Variants in FMN1 observed in about 807,000 individuals in gnomAD.
FMN1 encodes formin-1.
FMN1 carries 110 observed loss-of-function variants against 132.4 expected under a neutral mutation model. That is an observed-to-expected ratio of 0.83 (90% confidence interval 0.71 to 0.97). The LOEUF is 0.97. Ranked by LOEUF, FMN1 falls within the 50% of genes least tolerant of loss-of-function variation. FMN1 has a pLI of 0.00. For synonymous variants in FMN1, 722 were observed against 651.7 expected (o/e 1.11, Z -1.64); for missense variants, 1,792 against 1,705.3 (o/e 1.05, Z -0.90).
chr15:33,093,508 G>C (rs1411171072), intron 4 of FMN1, among the ~76,000 whole-genome samples: 2 of 152,210 alleles, frequency 1.3e-5, no homozygotes, highest in East Asian at 3.8e-4. Flanking sequence ...CAAAAGTATA[G>C]TCTCATGGCT....
intron 7 of FMN1, among the ~76,000 whole-genome samples, chr15:32,982,418 T>A (rs890919958): frequency 6.6e-6 from 1 of 152,204 alleles, no homozygotes; most frequent in African/African-American, 2.4e-5. Flanking sequence ...TCCTACACAT[T>A]TGCCCAAGTG....
At chr15:32,847,909 C>T (rs1011193746) in intron 17 of FMN1, among the ~76,000 whole-genome samples, 5 of 152,070 alleles carry the variant, frequency 3.3e-5, no homozygotes, top group South Asian at 2.1e-4. Flanking sequence ...CAAATACCCA[C>T]GGAAGAGGTC....
chr15:33,022,641 T>C (rs1038262150), intron 6 of FMN1, among the ~76,000 whole-genome samples: 6 of 151,960 alleles, frequency 3.9e-5, no homozygotes, highest in Non-Finnish European at 8.8e-5. Context: ...ATTTCAGAAA[T>C]AGAAATGGGA....
At chr15:33,104,359 G>A (rs1300604558) in intron 4 of FMN1, among the ~76,000 whole-genome samples, 1 of 152,056 alleles carries the variant, frequency 6.6e-6, no homozygotes, top group Non-Finnish European at 1.5e-5. Context: ...AAATTTTCAC[G>A]ATTTACAATT....
chr15:32,854,988 T>G (rs1044687139), intron 17 of FMN1, among the ~76,000 whole-genome samples: 3 of 151,300 alleles, frequency 2.0e-5, no homozygotes, highest in Non-Finnish European at 1.5e-5. Context: ...CATTAAGATA[T>G]TCCTTGGGAC....
At chr15:32,878,071 A>T (rs1333817156) in intron 16 of FMN1, among the ~76,000 whole-genome samples, 3 of 152,234 alleles carry the variant, frequency 2.0e-5, no homozygotes, top group Non-Finnish European at 4.4e-5. Context: ...GCTGTAATAG[A>T]CAGTGCCTAT....
chr15:33,164,054 G>A (rs963082304), intron 3 of FMN1, among the ~76,000 whole-genome samples: 3 of 152,150 alleles, frequency 2.0e-5, no homozygotes, highest in Admixed American at 1.3e-4. Context: ...AGAGGAAGAA[G>A]ACATGGGCTC....
At chr15:32,906,221 G>C (rs1480174610) in intron 12 of FMN1, among the ~76,000 whole-genome samples, 3 of 152,112 alleles carry the variant, frequency 2.0e-5, no homozygotes, top group Admixed American at 2.0e-4. Flanking sequence ...GGTGGTTAAG[G>C]GGTTGGCAAA....
chr15:33,110,036 G>A (rs2039639000), intron 4 of FMN1, among the ~76,000 whole-genome samples: 1 of 151,860 alleles, frequency 6.6e-6, no homozygotes, highest in East Asian at 1.9e-4. Flanking sequence ...ATACTCTTCA[G>A]GCAAAAAGTA....
At chr15:33,137,054 C>T (rs2468743) in intron 4 of FMN1, among the ~76,000 whole-genome samples, 74,849 of 139,386 alleles carry the variant, frequency 0.54, 20,172 homozygotes, top group East Asian at 0.77. Context: ...CAACACTGCA[C>T]TCCAGCCTGG....
chr15:32,974,690 G>A (rs1331622588), intron 7 of FMN1, among the ~76,000 whole-genome samples: 1 of 152,194 alleles, frequency 6.6e-6, no homozygotes, highest in South Asian at 2.1e-4. Flanking sequence ...TCCAATGGGA[G>A]CCAGAGGTGA....
chr15:33,127,364 T>C (rs1204594186), intron 4 of FMN1, among the ~76,000 whole-genome samples: 1 of 151,432 alleles, frequency 6.6e-6, no homozygotes, highest in African/African-American at 2.4e-5. Flanking sequence ...AACTTGACTC[T>C]GTTCATACAC....
intron 4 of FMN1, among the ~76,000 whole-genome samples, chr15:33,143,226 TA>T (rs1442315948): frequency 6.6e-6 from 1 of 152,102 alleles, no homozygotes; most frequent in East Asian, 1.9e-4. Flanking sequence ...CAAGGTTAGT[TA>T]AAAATAAAAA....
At chr15:32,985,567 T>C (rs1195834172) in intron 7 of FMN1, among the ~76,000 whole-genome samples, 1 of 152,130 alleles carries the variant, frequency 6.6e-6, no homozygotes, top group Non-Finnish European at 1.5e-5. Context: ...TAATATTAAG[T>C]AGTGCCCATG....
chr15:33,076,902 G>C (rs1440876878), intron 5 of FMN1, among the ~76,000 whole-genome samples: 1 of 152,186 alleles, frequency 6.6e-6, no homozygotes, highest in East Asian at 1.9e-4. Context: ...AATGAATCCT[G>C]AATCAGCAAT....
At position 32,949,952 on chromosome 15, in the gene FMN1, T is replaced by TATATATATATACATACAC. The variant is rs2061591964; in HGVS notation, c.3138+14154_3138+14155insGTGTATGTATATATATAT. ...TGAGGCCAAAAAGCATATATATATA[T>TATATATATATACATACAC]ATATATATATATACACACATATATA... On this transcript the variant is annotated intron_variant, in intron 9 of 20. Coordinates refer to ENST00000616417, the MANE Select transcript of FMN1 (RefSeq NM_001277313.2). Among the ~76,000 whole-genome samples the TATATATATATACATACAC allele has an allele frequency of 5.9e-5, 3 of 50,510 alleles. 1 individual carries two copies. The highest frequency in any genetic ancestry group is 1.1e-4 in the Non-Finnish European group (3 of 28,550). 33.1% of individuals were successfully genotyped at this position (50,510 alleles called of 152,430 possible). A position where few individuals can be genotyped will look rare whatever the true frequency, so the allele number is the denominator to read the frequency against.
chr15:32,898,434 T>G (rs1055590165), intron 15 of FMN1, among the ~76,000 whole-genome samples: 7 of 152,238 alleles, frequency 4.6e-5, no homozygotes, highest in African/African-American at 1.7e-4. Context: ...TGTTCATAGA[T>G]TCATTACTGA....
chr15:32,932,392 CAATTAAGTTTACTAG>C (rs369593112), intron 9 of FMN1, among the ~76,000 whole-genome samples: 63 of 152,286 alleles, frequency 4.1e-4, no homozygotes, highest in African/African-American at 1.4e-3. Context: ...CAGAGTGAGA[CAATTAAGTTTACTAG>C]TACTTTGTTG....
rs747872834 is a variant in FMN1, at chr15:32,968,834, G to C, written c.2867C>G (p.Pro956Arg). The change falls in exon 8 of 21, where the codon CCC (proline) becomes CGC (arginine). Residue 956 changes from proline to arginine, a missense_variant. Physicochemically the swap from Pro to Arg is moderately radical, Grantham distance 103 (BLOSUM62 -2). This residue lies in a region of FMN1 where 1,150 missense variants were observed against 1,043.1 expected (regional missense o/e 1.10). Transcript: ENST00000616417. ...GCCAAGTCCAAAGAAGAGTCCAGGG[G>C]GAGGTGGGGGTGCAAGTCCTGGGGG... ...PPPPGLAPPP[P>R]PGLFFGLGSS... The C allele has an allele frequency of 6.2e-7, 1 of 1,610,536 alleles. No homozygotes were observed. Among genetic ancestry groups the C allele is most frequent in the South Asian group, 1.1e-5 (1 of 90,692 alleles).
Sources: gnomAD v4.1 joint callset for allele counts (sites outside exome capture counted in the v4.1 genomes callset) on GRCh38, gnomAD v4.1.1 for gene constraint, gnomAD v4.1.1 regional missense constraint, MANE v1.5 for transcripts, NCBI Gene and HGNC (gene_info 2026-07-23, HGNC 2026-07-21) for gene names.